The following CADM2 variants were observed in gnomAD, a reference collection of about 807,000 sequenced individuals.
The protein encoded by CADM2 is immunoglobulin superfamily member 4D.
A neutral mutation model predicts 49.8 loss-of-function variants in CADM2; 12 were observed. That is an observed-to-expected ratio of 0.24 (90% CI 0.15 to 0.39). The LOEUF is 0.39. Ranked by LOEUF, CADM2 falls within the 10% of genes least tolerant of loss-of-function variation. The probability of loss-of-function intolerance (pLI) is 1.00; values close to 1 mark genes in which losing one functional copy is unlikely to be tolerated. For synonymous variants in CADM2, 214 were observed against 175.4 expected (o/e 1.22, Z -1.74); for missense variants, 378 against 492.3 (o/e 0.77, Z 2.20).
intron 1 of CADM2, among the ~76,000 whole-genome samples, chr3:85,474,717 C>A (rs1445446375): frequency 6.6e-6 from 1 of 151,586 alleles, no homozygotes; most frequent in Non-Finnish European, 1.5e-5. Context: ...TGATGATATC[C>A]ACTTAGAGGG....
intron 1 of CADM2, among the ~76,000 whole-genome samples, chr3:85,089,849 A>T (rs1034309470): frequency 6.6e-6 from 1 of 152,120 alleles, no homozygotes; most frequent in African/African-American, 2.4e-5. Context: ...TATGCTGAAA[A>T]ATGTTCCTTT....
At chr3:85,356,964 T>C (rs2031912840) in intron 1 of CADM2, among the ~76,000 whole-genome samples, 8 of 152,136 alleles carry the variant, frequency 5.3e-5, no homozygotes, top group Admixed American at 5.2e-4. Flanking sequence ...TGCTGGGATA[T>C]AGAAGTATGA....
At chr3:85,861,862 TATC>T (rs2075548197) in intron 3 of CADM2, among the ~76,000 whole-genome samples, 1 of 152,136 alleles carries the variant, frequency 6.6e-6, no homozygotes, top group South Asian at 2.1e-4. Context: ...AAGCTAATAA[TATC>T]ATAAATTAAT....
chr3:85,439,350 A>G (rs879840966), intron 1 of CADM2, among the ~76,000 whole-genome samples: 2 of 151,690 alleles, frequency 1.3e-5, no homozygotes, highest in Non-Finnish European at 2.9e-5. Context: ...ATGGGGTTTC[A>G]CCATGTTGTC....
At chr3:85,180,723 A>G (rs950644359) in intron 1 of CADM2, among the ~76,000 whole-genome samples, 16 of 152,158 alleles carry the variant, frequency 1.1e-4, no homozygotes, top group African/African-American at 3.9e-4. Context: ...ATCAAAATAT[A>G]GGAATGGATA....
intron 2 of CADM2, among the ~76,000 whole-genome samples, chr3:85,738,019 C>T (rs577163288): frequency 1.2e-4 from 19 of 152,118 alleles, no homozygotes; most frequent in African/African-American, 4.3e-4. Flanking sequence ...TGTCTAGAGA[C>T]AAGGCAGGAA....
chr3:85,717,019 A>G (rs1457560569), intron 1 of CADM2, among the ~76,000 whole-genome samples: 1 of 152,118 alleles, frequency 6.6e-6, no homozygotes, highest in Non-Finnish European at 1.5e-5. Flanking sequence ...GTAGTTTTTT[A>G]TAATTCTGTG....
chr3:85,192,706 G>T (rs892354185), intron 1 of CADM2, among the ~76,000 whole-genome samples: 2 of 151,842 alleles, frequency 1.3e-5, no homozygotes, highest in African/African-American at 4.8e-5. Context: ...TGCGGGAGGT[G>T]GGAAGTATGA....
intron 1 of CADM2, among the ~76,000 whole-genome samples, chr3:85,359,646 A>ATG: frequency 7.8e-5 from 1 of 12,846 alleles, no homozygotes; most frequent in Non-Finnish European, 5.0e-4. Flanking sequence ...GCATATATAT[A>ATG]TATATATATA....
intron 1 of CADM2, among the ~76,000 whole-genome samples, chr3:85,001,469 CTT>C: frequency 6.6e-6 from 1 of 151,954 alleles, no homozygotes; most frequent in South Asian, 2.1e-4. Flanking sequence ...TTTGCAATAA[CTT>C]AAATACATGA....
At chr3:85,658,615 T>TATATACAC (rs1553656735) in intron 1 of CADM2, among the ~76,000 whole-genome samples, 1 of 132,326 alleles carries the variant, frequency 7.6e-6, no homozygotes, top group African/African-American at 2.9e-5. Context: ...TATATATATA[T>TATATACAC]ATACATGTAT....
chr3:85,703,023 A>T (rs573032677), intron 1 of CADM2, among the ~76,000 whole-genome samples: 2 of 152,306 alleles, frequency 1.3e-5, no homozygotes, highest in Non-Finnish European at 2.9e-5. Context: ...CGTATCTGGG[A>T]TTTTTGGTAG....
intron 6 of CADM2, among the ~76,000 whole-genome samples, chr3:85,924,430 A>G (rs1479148301): frequency 6.6e-6 from 1 of 151,978 alleles, no homozygotes; most frequent in African/African-American, 2.4e-5. Context: ...GTCTCTACAA[A>G]AAATACAAAA....
chr3:84,968,607 A>C (rs576601388), intron 1 of CADM2, among the ~76,000 whole-genome samples: 2 of 152,226 alleles, frequency 1.3e-5, no homozygotes, highest in South Asian at 4.1e-4. Context: ...CCATTGTGAT[A>C]CATAATACAG....
At chr3:86,011,783 A>G (rs558380017) in intron 8 of CADM2, among the ~76,000 whole-genome samples, 27 of 152,304 alleles carry the variant, frequency 1.8e-4, no homozygotes, top group African/African-American at 6.3e-4. Flanking sequence ...AAATAGGTAG[A>G]GATTCAGTAA....
At chr3:85,169,132 C>CTGTTT (rs758087632) in intron 1 of CADM2, among the ~76,000 whole-genome samples, 110 of 151,642 alleles carry the variant, frequency 7.3e-4, no homozygotes, top group African/African-American at 2.4e-3. Flanking sequence ...TTGTTTTGTT[C>CTGTTT]TGTTTTGTTT....
At chr3:85,655,616 G>A (rs2065173729) in intron 1 of CADM2, among the ~76,000 whole-genome samples, 1 of 152,136 alleles carries the variant, frequency 6.6e-6, no homozygotes, top group African/African-American at 2.4e-5. Flanking sequence ...CACGTAGAGT[G>A]AGAATTCTTG....
At chr3:86,024,446 C>CAAGAGATA (rs766432050) in intron 8 of CADM2, among the ~76,000 whole-genome samples, 6 of 152,082 alleles carry the variant, frequency 3.9e-5, no homozygotes, top group Non-Finnish European at 8.8e-5. Flanking sequence ...GTATTTCTAC[C>CAAGAGATA]AAGAGATACT....
intron 1 of CADM2, among the ~76,000 whole-genome samples, chr3:85,699,108 A>T (rs918047405): frequency 6.6e-6 from 1 of 152,186 alleles, no homozygotes; most frequent in African/African-American, 2.4e-5. Context: ...TTAAACTTTA[A>T]TCTCCAAAAT....
Sources: allele counts gnomAD v4.1 joint callset (sites outside exome capture counted in the v4.1 genomes callset), GRCh38; gene constraint gnomAD v4.1.1; transcripts MANE v1.5; gene names NCBI Gene and HGNC (gene_info 2026-07-23, HGNC 2026-07-21).